LHFPL6: variants seen among roughly 807,000 people sequenced by gnomAD.
The protein encoded by LHFPL6 is LHFPL tetraspan subfamily member 6 protein.
A neutral mutation model predicts 20.6 loss-of-function variants in LHFPL6; 9 were observed. The ratio of observed to expected loss-of-function variants is 0.44; its 90% CI spans 0.26 to 0.76. The LOEUF (loss-of-function observed/expected upper bound fraction) is 0.76, where lower values mean the gene tolerates loss of function less well. LHFPL6 is among the 30% of genes least tolerant of loss of function. The pLI is 0.20. For missense variants in LHFPL6, 218 were observed against 253.5 expected (o/e 0.86, Z 0.95); for synonymous variants, 105 against 98.7 (o/e 1.06, Z -0.38).
intron 2 of LHFPL6, among the ~76,000 whole-genome samples, chr13:39,438,953 T>G (rs1872038452): frequency 6.6e-6 from 1 of 152,104 alleles, no homozygotes; most frequent in African/African-American, 2.4e-5. Flanking sequence ...AGAGGCAAAA[T>G]GTGGGGTCGG....
At chr13:39,583,560 AT>A (rs1487775573) in intron 2 of LHFPL6, among the ~76,000 whole-genome samples, 1 of 152,190 alleles carries the variant, frequency 6.6e-6, no homozygotes, top group African/African-American at 2.4e-5. Context: ...ATGTAGAGAA[AT>A]TCCAGAATGA....
At chr13:39,357,675 A>C (rs1210316603) in intron 3 of LHFPL6, among the ~76,000 whole-genome samples, 1 of 152,238 alleles carries the variant, frequency 6.6e-6, no homozygotes, top group African/African-American at 2.4e-5. Flanking sequence ...TCAATGCAGA[A>C]AAATCAGTAG....
rs528106484 is a variant in LHFPL6, at chr13:39,435,159, T to C, written c.386-56633A>G. Among the ~76,000 whole-genome samples, 4 of 151,326 alleles carry C rather than the reference T, an allele frequency of 2.6e-5. No homozygotes were observed. In the East Asian group the frequency reaches 7.8e-4, roughly 29 times the overall value. On this transcript the variant is annotated intron_variant, in intron 2 of 3. Coordinates refer to ENST00000379589, the MANE Select transcript of LHFPL6 (RefSeq NM_005780.3). ...AATGAGAAATATGCACATAGAAAGATGATGGCTATCTTGAGATACAGCACT... is the reference window on the plus strand; with the variant it reads ...AATGAGAAATATGCACATAGAAAGACGATGGCTATCTTGAGATACAGCACT...
chr13:39,355,861 A>T (rs1182116392), intron 3 of LHFPL6, among the ~76,000 whole-genome samples: 4 of 152,244 alleles, frequency 2.6e-5, no homozygotes, highest in Admixed American at 2.6e-4. Context: ...TAAACACCCA[A>T]CATTAGAGCA....
At chr13:39,362,319 C>A (rs2138345885) in intron 3 of LHFPL6, among the ~76,000 whole-genome samples, 1 of 152,324 alleles carries the variant, frequency 6.6e-6, no homozygotes, top group East Asian at 1.9e-4. Flanking sequence ...TAAGACGTGC[C>A]TGGTTCCCCT....
At chr13:39,503,359 G>A (rs1869360578) in intron 2 of LHFPL6, among the ~76,000 whole-genome samples, 1 of 152,030 alleles carries the variant, frequency 6.6e-6, no homozygotes, top group Non-Finnish European at 1.5e-5. Flanking sequence ...CTTGCCTCCT[G>A]TCTCTGATCA....
intron 2 of LHFPL6, among the ~76,000 whole-genome samples, chr13:39,440,985 T>C (rs1056104267): frequency 5.9e-5 from 9 of 151,460 alleles, no homozygotes; most frequent in Admixed American, 5.9e-4. Context: ...TTGTGAGGCC[T>C]CCCCCCCAGC....
intron 2 of LHFPL6, among the ~76,000 whole-genome samples, chr13:39,416,772 T>C (rs1871359744): frequency 6.6e-6 from 1 of 152,154 alleles, no homozygotes; most frequent in African/African-American, 2.4e-5. Flanking sequence ...ATGTCAGAGG[T>C]GGTAGAAAAA....
chr13:39,480,025 C>T (rs1225581305), intron 2 of LHFPL6, among the ~76,000 whole-genome samples: 2 of 152,170 alleles, frequency 1.3e-5, no homozygotes, highest in African/African-American at 4.8e-5. Context: ...TTGTTGGAAA[C>T]TCTGCAAACA....
At chr13:39,409,046 G>C (rs949861012) in intron 2 of LHFPL6, among the ~76,000 whole-genome samples, 2 of 152,196 alleles carry the variant, frequency 1.3e-5, no homozygotes, top group East Asian at 3.9e-4. Context: ...AATTTGTAGC[G>C]TTAAGCAGGT....
chr13:39,479,064 T>C (rs1361937226), intron 2 of LHFPL6, among the ~76,000 whole-genome samples: 1 of 151,426 alleles, frequency 6.6e-6, no homozygotes, highest in African/African-American at 2.4e-5. Flanking sequence ...GATAGATAGA[T>C]AGATAGATAG....
intron 3 of LHFPL6, among the ~76,000 whole-genome samples, chr13:39,372,372 T>G (rs531315266): frequency 1.1e-5 from 1 of 90,640 alleles, no homozygotes; most frequent in East Asian, 4.1e-4. Flanking sequence ...TCTATACAAC[T>G]AAGGACGATT....
chr13:39,411,253 A>G (rs562562331), intron 2 of LHFPL6, among the ~76,000 whole-genome samples: 1 of 152,266 alleles, frequency 6.6e-6, no homozygotes, highest in South Asian at 2.1e-4. Context: ...TTTTATGTCC[A>G]CACCAACCTG....
At chr13:39,552,266 G>A (rs945170737) in intron 2 of LHFPL6, among the ~76,000 whole-genome samples, 1 of 152,150 alleles carries the variant, frequency 6.6e-6, no homozygotes, top group African/African-American at 2.4e-5. Context: ...GCAGGGGTCA[G>A]CATTAATATA....
intron 2 of LHFPL6, among the ~76,000 whole-genome samples, chr13:39,517,474 C>A (rs1429294485): frequency 2.0e-5 from 3 of 152,180 alleles, no homozygotes; most frequent in Non-Finnish European, 4.4e-5. Context: ...TGTAATTAAT[C>A]CAGACATCAT....
intron 2 of LHFPL6, among the ~76,000 whole-genome samples, chr13:39,597,364 G>C (rs1451697346): frequency 6.6e-6 from 1 of 152,088 alleles, no homozygotes; most frequent in Non-Finnish European, 1.5e-5. Context: ...CATTTGCAGG[G>C]CATGTAAATC....
At chr13:39,573,340 AGG>A (rs1446256185) in intron 2 of LHFPL6, among the ~76,000 whole-genome samples, 17 of 152,218 alleles carry the variant, frequency 1.1e-4, no homozygotes, top group African/African-American at 4.1e-4. Context: ...AGCCTTCGAA[AGG>A]AAGGCATCTT....
At chr13:39,569,957 G>A (rs1871861883) in intron 2 of LHFPL6, among the ~76,000 whole-genome samples, 1 of 152,140 alleles carries the variant, frequency 6.6e-6, no homozygotes, top group Non-Finnish European at 1.5e-5. Flanking sequence ...TGTCCAGAAG[G>A]AATGATTTAG....
At chr13:39,561,688 C>T (rs1470211695) in intron 2 of LHFPL6, among the ~76,000 whole-genome samples, 1 of 152,144 alleles carries the variant, frequency 6.6e-6, no homozygotes, top group African/African-American at 2.4e-5. Context: ...AACTCTTGGC[C>T]GTAAGTGATC....
Sources: allele counts gnomAD v4.1 joint callset (sites outside exome capture counted in the v4.1 genomes callset), GRCh38; gene constraint gnomAD v4.1.1; transcripts MANE v1.5; gene names NCBI Gene and HGNC (gene_info 2026-07-23, HGNC 2026-07-21).